FOXP4: variants seen among roughly 807,000 people sequenced by gnomAD.
FOXP4 encodes the protein forkhead box P4.
Under a neutral mutation model 82.6 loss-of-function variants are expected in FOXP4, and 25 were observed. The ratio of observed to expected loss-of-function variants is 0.30; its 90% confidence interval spans 0.22 to 0.42. The LOEUF (loss-of-function observed/expected upper bound fraction) is 0.42, where lower values mean the gene tolerates loss of function less well. Among genes scored for constraint, FOXP4 ranks in the 10% least tolerant of loss-of-function variants. The pLI is 1.00. For missense variants in FOXP4, 785 were observed against 900.9 expected (o/e 0.87, Z 1.65); for synonymous variants, 415 against 388.2 (o/e 1.07, Z -0.81).
Position 41,591,121 on chromosome 6 carries a change from C to CG in FOXP4, c.1435-96dup, listed in dbSNP as rs1766489287. 3 of 940,032 alleles carry CG rather than the reference C, an allele frequency of 3.2e-6. No individual in the cohort carries two copies. Among genetic ancestry groups the CG allele is most frequent in the Middle Eastern group, 4.2e-4 (2 of 4,784 alleles). The allele number at this position is 940,032 out of a possible 1,614,324, so 58.2% of individuals were successfully genotyped here. A position where few individuals can be genotyped will look rare whatever the true frequency, so the allele number is the denominator to read the frequency against. ...AGCAGGTCTTCTCACAAAGTGAACT[C>CG]GGGGCTAGGCAGAAGGGAGAGGTAC... On this transcript the variant is annotated intron_variant, in intron 12 of 16. Coordinates refer to ENST00000307972, the MANE Select transcript of FOXP4 (RefSeq NM_001012426.2). The surrounding 1 kb of genome is among the most constrained non-coding windows in gnomAD (Gnocchi z 4.2).
At chr6:41,592,801 C>G (rs1310558659) in intron 13 of FOXP4, among the ~76,000 whole-genome samples, 1 of 152,064 alleles carries the variant, frequency 6.6e-6, no homozygotes, top group Non-Finnish European at 1.5e-5. Flanking sequence ...AGGTGACTTC[C>G]TTAAACTACT....
rs1474649069 is a variant in FOXP4 at position 41,602,190 on chromosome 6, A to T, written c.*3254A>T. Reference sequence around the variant, plus strand: ...TCCCTGTCCCCCATGGTACCTCGAGAGGGGCTGGGGAGCTCAGCTTGGTCT... The same window carrying T: ...TCCCTGTCCCCCATGGTACCTCGAGTGGGGCTGGGGAGCTCAGCTTGGTCT... On this transcript the variant is annotated 3_prime_UTR_variant, in exon 17 of 17. Coordinates refer to ENST00000307972, the MANE Select transcript of FOXP4 (RefSeq NM_001012426.2). 1.3e-5 allele frequency: 2 copies of T among 152,044 alleles called. No homozygotes were observed. Among genetic ancestry groups the T allele is most frequent in the African/African-American group, 4.8e-5 (2 of 41,364 alleles). 9.4% of individuals were successfully genotyped at this position (152,044 alleles called of 1,614,324 possible). A position where few individuals can be genotyped will look rare whatever the true frequency, so the allele number is the denominator to read the frequency against.
At chr6:41,557,731 A>G (rs1299493098) in intron 1 of FOXP4, among the ~76,000 whole-genome samples, 3 of 152,222 alleles carry the variant, frequency 2.0e-5, no homozygotes, top group Non-Finnish European at 4.4e-5. Flanking sequence ...CAGAAAGGCT[A>G]TATATCCCAA....
chr6:41,588,852 C>A, intron 9 of FOXP4, 121 bp downstream of exon 9: 1 of 1,071,262 alleles, frequency 9.3e-7, no homozygotes, highest in Non-Finnish European at 1.4e-6. Context: ...ATGGTCAAAG[C>A]CACCATCTTA....
chr6:41,585,529 T>TA lies in FOXP4; in HGVS notation c.510+13dup. 1 of 1,611,932 alleles carries TA rather than the reference T, an allele frequency of 6.2e-7. No individual in the cohort carries two copies. Among genetic ancestry groups the TA allele is most frequent in the Non-Finnish European group, 8.5e-7 (1 of 1,178,746 alleles). On this transcript the variant is annotated intron_variant, in intron 5 of 16. Transcript: ENST00000307972. ...CGCAGCCCAAAGAGGTAAGGGGCTGTACCAGGGCCCACCACCGCCCTCACC... is the reference window on the plus strand; with the variant it reads ...CGCAGCCCAAAGAGGTAAGGGGCTGTAACCAGGGCCCACCACCGCCCTCACC...
chr6:41,580,633 C>T (rs1024306493), intron 3 of FOXP4, among the ~76,000 whole-genome samples: 2 of 152,182 alleles, frequency 1.3e-5, no homozygotes, highest in African/African-American at 4.8e-5. Flanking sequence ...AGTTTATTAT[C>T]TCCAAGGAGG....
chr6:41,567,062 A>C (rs547632832), intron 2 of FOXP4, among the ~76,000 whole-genome samples: 22 of 152,282 alleles, frequency 1.4e-4, no homozygotes, highest in African/African-American at 5.1e-4. Context: ...TGGAAGCAAC[A>C]CCATCAGAAG....
intron 3 of FOXP4, among the ~76,000 whole-genome samples, chr6:41,579,379 C>T (rs983294541): frequency 2.0e-5 from 3 of 152,136 alleles, no homozygotes; most frequent in African/African-American, 7.2e-5. Flanking sequence ...AATTAATGAT[C>T]CCCACATACA....
intron 3 of FOXP4, among the ~76,000 whole-genome samples, chr6:41,581,399 G>A (rs993687712): frequency 6.6e-6 from 1 of 152,202 alleles, no homozygotes; most frequent in East Asian, 1.9e-4. Context: ...GTATTCATGG[G>A]TGGGTGCAGG....
In FOXP4 at chr6:41,578,002, G is replaced by A. The variant is rs778234827; in HGVS notation, c.221G>A (p.Arg74Gln). The A allele has an allele frequency of 5.1e-5, 83 of 1,612,440 alleles. No individual in the cohort carries two copies. The highest frequency in any genetic ancestry group is 1.6e-4 in the Middle Eastern group (1 of 6,082). Residue 74 changes from arginine (R) to glutamine (Q), a missense_variant, in exon 3 of 17, where the codon CGG (arginine) becomes CAG (glutamine). By Grantham distance (43) the Arg-to-Gln change is conservative. Transcript: ENST00000307972. ...GTCTTGCAGGCTCTCCAAGTGGCCC[G>A]GCAGTTCCTGCTGCAGCAGGCCTCA... The part of the protein sequence containing the change: ...FQQQQALQVA[R>Q]QFLLQQASGL...
At chr6:41,565,724 G>A (rs1764835815) in intron 1 of FOXP4, 21 bp from the exon 2 acceptor site, 2 of 1,560,792 alleles carry the variant, frequency 1.3e-6, no homozygotes, top group African/African-American at 2.7e-5. Context: ...CCTCTCCCCT[G>A]TGTCTCTCTT....
chr6:41,554,261 A>G (rs537889026), intron 1 of FOXP4, among the ~76,000 whole-genome samples: 12 of 152,348 alleles, frequency 7.9e-5, no homozygotes, highest in African/African-American at 2.6e-4. Flanking sequence ...CAAGTGGACT[A>G]ACTTCATCCC....
intron 1 of FOXP4, among the ~76,000 whole-genome samples, chr6:41,556,127 C>T (rs180873327): frequency 5.9e-5 from 9 of 151,864 alleles, no homozygotes; most frequent in Non-Finnish European, 1.3e-4. Context: ...AGTTAGGACG[C>T]GGGGAGGAGC....
chr6:41,571,210 G>A (rs944915357), intron 2 of FOXP4, among the ~76,000 whole-genome samples: 6 of 152,184 alleles, frequency 3.9e-5, no homozygotes, highest in African/African-American at 1.4e-4. Flanking sequence ...GTTCCTTCCA[G>A]GCACTGAGGA....
chr6:41,594,596 AC>A (rs1766713644), intron 13 of FOXP4, among the ~76,000 whole-genome samples: 1 of 152,236 alleles, frequency 6.6e-6, no homozygotes, highest in African/African-American at 2.4e-5. Flanking sequence ...TAGTTAGTAG[AC>A]AGAACTTTCC....
chr6:41,547,218 C>T (rs1234034232), intron 1 of FOXP4, among the ~76,000 whole-genome samples: 1 of 151,884 alleles, frequency 6.6e-6, no homozygotes, highest in Non-Finnish European at 1.5e-5. Context: ...GAGAGGCCAC[C>T]GAGGCCCGCC....
At chr6:41,555,237 T>G (rs775542327) in intron 1 of FOXP4, among the ~76,000 whole-genome samples, 1 of 151,728 alleles carries the variant, frequency 6.6e-6, no homozygotes. Context: ...CGACACAGAG[T>G]GAGACCCTGT....
Position 41,584,904 on chromosome 6 carries a change from C to A in FOXP4, c.423+13C>A. 1 of 1,603,572 alleles carries A rather than the reference C, an allele frequency of 6.2e-7. No homozygotes were observed. ...CATGCTCCAGCAGGTGAGTCTGGCCCCAGGGCAGCTGGTCCCTCCTCCTCT... is the reference window on the plus strand; with the variant it reads ...CATGCTCCAGCAGGTGAGTCTGGCCACAGGGCAGCTGGTCCCTCCTCCTCT... On this transcript the variant is annotated intron_variant, in intron 4 of 16. Coordinates refer to ENST00000307972, the MANE Select transcript of FOXP4 (RefSeq NM_001012426.2).
At chr6:41,551,491 C>G (rs538697248) in intron 1 of FOXP4, among the ~76,000 whole-genome samples, 1 of 152,316 alleles carries the variant, frequency 6.6e-6, no homozygotes, top group East Asian at 1.9e-4. Context: ...CTCCCTGGGC[C>G]CCATGCTCTG....
Sources: gnomAD v4.1 joint callset for allele counts (sites outside exome capture counted in the v4.1 genomes callset) on GRCh38, gnomAD v4.1.1 for gene constraint, Gnocchi (gnomAD v3.1) non-coding constraint, MANE v1.5 for transcripts, NCBI Gene and HGNC (gene_info 2026-07-23, HGNC 2026-07-21) for gene names.